TENT2: variants seen among roughly 807,000 people sequenced by gnomAD.
The protein encoded by TENT2 is terminal nucleotidyltransferase 2, also known as poly(A) RNA polymerase GLD2.
TENT2 carries 44 observed loss-of-function variants against 72.2 expected under a neutral mutation model. That is an observed-to-expected ratio of 0.61 (90% CI 0.48 to 0.78). The LOEUF is 0.78. Ranked by LOEUF, TENT2 falls within the 30% of genes least tolerant of loss-of-function variation. The probability of loss-of-function intolerance (pLI) is 0.00; values close to 1 mark genes in which losing one functional copy is unlikely to be tolerated. For synonymous variants in TENT2, 212 were observed against 192.5 expected (o/e 1.10, Z -0.84); for missense variants, 541 against 569.6 (o/e 0.95, Z 0.51).
chr5:79,630,549 C>T (rs902181295), intron 4 of TENT2, among the ~76,000 whole-genome samples: 1 of 152,106 alleles, frequency 6.6e-6, no homozygotes, highest in Non-Finnish European at 1.5e-5. Flanking sequence ...TGCACTCTAG[C>T]CTGGGCGACA....
At chr5:79,677,703 G>GTA (rs1205457363) in intron 12 of TENT2, among the ~76,000 whole-genome samples, 4 of 152,154 alleles carry the variant, frequency 2.6e-5, no homozygotes, top group Non-Finnish European at 4.4e-5. Flanking sequence ...ATGTAACCTT[G>GTA]TTTGCTTCAG....
chr5:79,639,710 T>A (rs985383155), intron 4 of TENT2, among the ~76,000 whole-genome samples: 3 of 151,148 alleles, frequency 2.0e-5, no homozygotes, highest in African/African-American at 4.9e-5. Flanking sequence ...ATGAGGAGAG[T>A]GAGAAAGTGT....
Position 79,687,128 on chromosome 5 carries a change from C to A in TENT2, c.*1855C>A, listed in dbSNP as rs1053832592. Among the ~76,000 whole-genome samples the A allele has an allele frequency of 3.0e-4, 3 of 9,858 alleles. No homozygotes were observed. The African/African-American group carries it at 3.9e-3, about 13-fold the overall frequency. 6.5% of individuals were successfully genotyped at this position (9,858 alleles called of 152,430 possible). On this transcript the variant is annotated 3_prime_UTR_variant, in exon 15 of 15. Coordinates refer to ENST00000453514, the MANE Select transcript of TENT2 (RefSeq NM_001114394.3). Reference sequence around the variant, plus strand: ...TCAGTTTTCAGTGGCCCCACACTTACTACTGCTTTTCTTTGTTTTACCACG... The same window carrying A: ...TCAGTTTTCAGTGGCCCCACACTTAATACTGCTTTTCTTTGTTTTACCACG...
chr5:79,657,061 A>T, intron 11 of TENT2, 60 bp downstream of exon 11: 1 of 1,158,892 alleles, frequency 8.6e-7, no homozygotes, highest in Non-Finnish European at 1.3e-6. Context: ...TAGAACTATT[A>T]TAAGTAGTAT....
chr5:79,670,413 C>T (rs1812075168), intron 12 of TENT2, among the ~76,000 whole-genome samples: 1 of 151,598 alleles, frequency 6.6e-6, no homozygotes, highest in African/African-American at 2.4e-5. Context: ...CAACCTCTGC[C>T]TCCCTGGTTC....
chr5:79,659,996 C>T (rs974761183), intron 11 of TENT2, among the ~76,000 whole-genome samples: 20 of 151,966 alleles, frequency 1.3e-4, no homozygotes, highest in South Asian at 1.2e-3. Context: ...CCGCGGAGTT[C>T]TTTTAAATTT....
intron 11 of TENT2, among the ~76,000 whole-genome samples, chr5:79,660,704 C>T (rs558102933): frequency 6.6e-6 from 1 of 152,230 alleles, no homozygotes; most frequent in African/African-American, 2.4e-5. Context: ...ATATTCCTGT[C>T]ACTTGGTTTT....
intron 7 of TENT2, 130 bp from the exon 8 acceptor site, chr5:79,644,993 G>A: frequency 2.9e-6 from 2 of 696,604 alleles, no homozygotes; most frequent in Non-Finnish European, 4.6e-6. Flanking sequence ...GTCCTCACTT[G>A]TATTCTTTTT....
intron 1 of TENT2, among the ~76,000 whole-genome samples, chr5:79,614,902 T>C (rs1311594225): frequency 6.6e-6 from 1 of 152,190 alleles, no homozygotes; most frequent in East Asian, 1.9e-4. Context: ...TTCATAGGCG[T>C]TTCATTTACT....
intron 11 of TENT2, among the ~76,000 whole-genome samples, chr5:79,664,885 A>C (rs938069719): frequency 1.6e-4 from 25 of 152,184 alleles, no homozygotes; most frequent in Admixed American, 6.5e-5. Flanking sequence ...TAACTTGATT[A>C]AATGCCTGCA....
At chr5:79,679,966 T>C (rs1449027423) in intron 13 of TENT2, among the ~76,000 whole-genome samples, 1 of 152,320 alleles carries the variant, frequency 6.6e-6, no homozygotes, top group South Asian at 2.1e-4. Flanking sequence ...ATAGAATCTT[T>C]ATATGTGATT....
At chr5:79,648,861 A>G (rs1160769940) in intron 9 of TENT2, 168 bp downstream of exon 9, 18 of 800,454 alleles carry the variant, frequency 2.2e-5, no homozygotes. Flanking sequence ...TTATAGGTGA[A>G]TCAAGTGGCA....
intron 2 of TENT2, 33 bp downstream of exon 2, chr5:79,619,818 G>A (rs990401784): frequency 6.3e-7 from 1 of 1,587,870 alleles, no homozygotes; most frequent in Non-Finnish European, 8.6e-7. Context: ...CCATGTTGTT[G>A]GTAAATTTCA....
At chr5:79,676,799 G>GT (rs986205585) in intron 12 of TENT2, among the ~76,000 whole-genome samples, 23 of 151,980 alleles carry the variant, frequency 1.5e-4, no homozygotes, top group Non-Finnish European at 2.5e-4. Flanking sequence ...TGTAGATTCT[G>GT]TATCTTATTT....
At chr5:79,654,140 T>C (rs566307867) in intron 10 of TENT2, among the ~76,000 whole-genome samples, 1 of 152,154 alleles carries the variant, frequency 6.6e-6, no homozygotes, top group South Asian at 2.1e-4. Context: ...TAAGAGTTAA[T>C]GAAAAAGGAG....
intron 3 of TENT2, among the ~76,000 whole-genome samples, chr5:79,622,411 A>G (rs906652251): frequency 2.0e-5 from 3 of 152,224 alleles, no homozygotes; most frequent in African/African-American, 7.2e-5. Flanking sequence ...TCAATGAAGT[A>G]AATGTCTTTT....
At chr5:79,624,923 G>T (rs1768202176) in intron 4 of TENT2, among the ~76,000 whole-genome samples, 1 of 152,176 alleles carries the variant, frequency 6.6e-6, no homozygotes, top group African/African-American at 2.4e-5. Flanking sequence ...GAGTGAAATT[G>T]CTTGGTCATA....
intron 4 of TENT2, 82 bp from the exon 5 acceptor site, chr5:79,640,769 T>G: frequency 1.4e-6 from 1 of 739,016 alleles, no homozygotes; most frequent in Admixed American, 2.8e-5. Context: ...AGTGTCAGTA[T>G]AATTGATTTA....
chr5:79,685,536 T>A lies in TENT2; in HGVS notation c.*263T>A, dbSNP rs1825779150. On this transcript the variant is annotated 3_prime_UTR_variant, in exon 15 of 15. Coordinates refer to ENST00000453514, the MANE Select transcript of TENT2 (RefSeq NM_001114394.3). ...TTTCAGGTGATCAGATAAAATATAT[T>A]TTGGGAAATTAACTGAACAAATAAA... 1 of 254,710 alleles carries A rather than the reference T, an allele frequency of 3.9e-6. No individual in the cohort carries two copies. The highest frequency in any genetic ancestry group is 5.5e-5 in the Admixed American group (1 of 18,048). 15.8% of individuals were successfully genotyped at this position (254,710 alleles called of 1,614,324 possible).
Sources: allele counts gnomAD v4.1 joint callset (sites outside exome capture counted in the v4.1 genomes callset), GRCh38; gene constraint gnomAD v4.1.1; transcripts MANE v1.5; gene names NCBI Gene and HGNC (gene_info 2026-07-23, HGNC 2026-07-21).